The following KLHL32 variants were observed in gnomAD, a reference collection of about 807,000 sequenced individuals.
KLHL32 encodes the protein kelch-like protein 32.
A neutral mutation model predicts 64.8 loss-of-function variants in KLHL32; 35 were observed. That is an observed-to-expected ratio of 0.54 (90% CI 0.41 to 0.72). The LOEUF (loss-of-function observed/expected upper bound fraction) is 0.72. Ranked by LOEUF, KLHL32 falls within the 30% of genes least tolerant of loss-of-function variation. The pLI, the probability that KLHL32 is intolerant of heterozygous loss-of-function variation, is 0.00. For missense variants in KLHL32, 589 were observed against 768.5 expected (o/e 0.77, Z 2.76); for synonymous variants, 259 against 281.0 (o/e 0.92, Z 0.78).
chr6:97,097,497 G>C lies in KLHL32; in HGVS notation c.627+12156G>C, dbSNP rs370348788. 4.6e-5 allele frequency among the ~76,000 whole-genome samples: 7 copies of C among 152,266 alleles called. No individual in the cohort carries two copies. In the East Asian group the frequency reaches 1.2e-3, roughly 25 times the overall value. ...CTTGGATATTGCACGGATATAGTTT[G>C]GCTGTCAATCATTGTCATTTGGAGT... On this transcript the variant is annotated intron_variant, in intron 6 of 10. Coordinates refer to ENST00000369261, the MANE Select transcript of KLHL32 (RefSeq NM_052904.4).
rs149781476 is a variant in KLHL32 at position 97,059,246 on chromosome 6, G to A, written c.313-5382G>A. On this transcript the variant is annotated intron_variant, in intron 4 of 10. Transcript: ENST00000369261. Reference sequence around the variant, plus strand: ...CATATGGAAATTAAAGGAATGAGGAGGACATTGAAGATGGAGAACAAGGTA... The same window carrying A: ...CATATGGAAATTAAAGGAATGAGGAAGACATTGAAGATGGAGAACAAGGTA... Among the ~76,000 whole-genome samples, 10 of 152,250 alleles carry A rather than the reference G, an allele frequency of 6.6e-5. No individual in the cohort carries two copies. The East Asian group carries it at 1.5e-3, about 24-fold the overall frequency.
chr6:96,901,120 AT>A, the KLHL32 span, among the ~76,000 whole-genome samples: 1 of 152,200 alleles, frequency 6.6e-6, no homozygotes, highest in East Asian at 1.9e-4. Context: ...ACCAGCAATT[AT>A]GCCCAGATGC....
chr6:97,111,940 A>G (rs1033450608), intron 6 of KLHL32, among the ~76,000 whole-genome samples: 12 of 151,504 alleles, frequency 7.9e-5, no homozygotes, highest in South Asian at 6.2e-4. Flanking sequence ...CTCCAACTAT[A>G]GTCTCTGACA....
chr6:97,094,060 A>G (rs763871280), intron 6 of KLHL32, among the ~76,000 whole-genome samples: 47 of 152,282 alleles, frequency 3.1e-4, no homozygotes, highest in South Asian at 1.0e-3. Context: ...GCATAAATTG[A>G]CAGTTGGGTG....
chr6:97,003,989 T>C (rs994594815), intron 3 of KLHL32, among the ~76,000 whole-genome samples: 8 of 152,234 alleles, frequency 5.3e-5, no homozygotes, highest in Non-Finnish European at 1.2e-4. Context: ...GTATGAATTT[T>C]AAAATAGTTA....
chr6:96,984,798 T>C lies in KLHL32; in HGVS notation c.204+8621T>C, dbSNP rs1047077667. Among the ~76,000 whole-genome samples, 3 of 152,256 alleles carry C rather than the reference T, an allele frequency of 2.0e-5. 1 individual carries two copies. The highest frequency in any genetic ancestry group is 4.8e-5 in the African/African-American group (2 of 41,560). ...CGTGAGATGGGTTTCCTGAATACAG[T>C]ACAGTGATGGGTCTTGACTCTTTAT... On this transcript the variant is annotated intron_variant, in intron 3 of 10. Transcript: ENST00000369261.
intron 1 of KLHL32, among the ~76,000 whole-genome samples, chr6:96,966,187 A>G (rs13205380): frequency 0.2 from 29,945 of 152,202 alleles, 3,166 homozygotes; most frequent in South Asian, 0.26. Context: ...TATCCAGATT[A>G]TAATTAATTT....
intron 4 of KLHL32, among the ~76,000 whole-genome samples, chr6:97,061,614 G>A (rs1788914407): frequency 6.6e-6 from 1 of 152,134 alleles, no homozygotes; most frequent in African/African-American, 2.4e-5. Flanking sequence ...CCTGGTTTGA[G>A]TGTCAGACTA....
At chr6:97,102,745 G>A (rs1795887859) in intron 6 of KLHL32, among the ~76,000 whole-genome samples, 1 of 152,046 alleles carries the variant, frequency 6.6e-6, no homozygotes, top group East Asian at 1.9e-4. Context: ...GGCATCATTG[G>A]CAAGGGTGGT....
intron 3 of KLHL32, among the ~76,000 whole-genome samples, chr6:97,033,197 C>T (rs1783821609): frequency 6.6e-6 from 1 of 152,110 alleles, no homozygotes; most frequent in East Asian, 1.9e-4. Context: ...GTCTGACTCA[C>T]TGTATTATGA....
Position 96,953,624 on chromosome 6 carries a change from C to T in KLHL32, c.-65-13372C>T, listed in dbSNP as rs991669076. On this transcript the variant is annotated intron_variant, in intron 1 of 10. Transcript: ENST00000369261. ...CAGCCTGGGTGACAGAGTGAGACTC[C>T]ATCTCAAAAAAAAAAAAGAAAATTT... Among the ~76,000 whole-genome samples, 213 of 150,048 alleles carry T rather than the reference C, an allele frequency of 1.4e-3. 1 individual carries two copies. The Middle Eastern group carries it at 0.017, about 12-fold the overall frequency.
chr6:97,054,442 T>C (rs1484401793), intron 4 of KLHL32, among the ~76,000 whole-genome samples: 1 of 152,228 alleles, frequency 6.6e-6, no homozygotes, highest in Non-Finnish European at 1.5e-5. Context: ...TGGTGCTTTC[T>C]CACAGTAGGT....
chr6:97,021,865 A>G (rs2128105405), intron 3 of KLHL32, among the ~76,000 whole-genome samples: 1 of 150,990 alleles, frequency 6.6e-6, no homozygotes, highest in East Asian at 1.9e-4. Context: ...CAGTTTTTTC[A>G]ATTTCAATTA....
chr6:96,952,585 G>A (rs543512606), intron 1 of KLHL32, among the ~76,000 whole-genome samples: 7 of 152,282 alleles, frequency 4.6e-5, no homozygotes, highest in Non-Finnish European at 8.8e-5. Flanking sequence ...TAAAACTGAC[G>A]CTTCCTTGTT....
rs979649301 is a variant in KLHL32, at chr6:97,139,420, A to G, written c.*138A>G. 2.9e-6 allele frequency: 2 copies of G among 701,024 alleles called. No homozygotes were observed. The highest frequency in any genetic ancestry group is 6.3e-5 in the Admixed American group (2 of 31,614). 43.4% of individuals were successfully genotyped at this position (701,024 alleles called of 1,614,324 possible). On this transcript the variant is annotated 3_prime_UTR_variant, in exon 11 of 11. Transcript: ENST00000369261. ...GGATAAATTTAAGCAAAAAATGAAC[A>G]ATTTTCTAAAATACGTTATTGAAAA... is the stretch of plus-strand genomic sequence containing the variant.
chr6:96,898,108 C>T, the KLHL32 span, among the ~76,000 whole-genome samples: 4 of 152,154 alleles, frequency 2.6e-5, no homozygotes, highest in Non-Finnish European at 1.5e-5. Flanking sequence ...AGGGAGTCAC[C>T]CGGGAAGCTC....
At chr6:96,985,578 T>G (rs1446903597) in intron 3 of KLHL32, among the ~76,000 whole-genome samples, 1 of 152,198 alleles carries the variant, frequency 6.6e-6, no homozygotes, top group East Asian at 1.9e-4. Flanking sequence ...TTTCTTTTTA[T>G]TCTTTTTTCT....
chr6:97,125,432 A>G (rs149276644), intron 7 of KLHL32, among the ~76,000 whole-genome samples: 2,705 of 152,346 alleles, frequency 0.018, 45 homozygotes, highest in Middle Eastern at 0.034. Flanking sequence ...AAGGTTAAAC[A>G]GAGAAAGAAG....
At chr6:97,021,507 G>T (rs1008827046) in intron 3 of KLHL32, among the ~76,000 whole-genome samples, 1 of 150,598 alleles carries the variant, frequency 6.6e-6, no homozygotes, top group African/African-American at 2.5e-5. Flanking sequence ...TTCTATTCAG[G>T]CTTTCAGTTG....
Sources: gnomAD v4.1 joint callset for allele counts (sites outside exome capture counted in the v4.1 genomes callset) on GRCh38, gnomAD v4.1.1 for gene constraint, MANE v1.5 for transcripts, NCBI Gene and HGNC (gene_info 2026-07-23, HGNC 2026-07-21) for gene names.